Variants in ZWILCH observed in about 807,000 individuals in gnomAD.
The protein encoded by ZWILCH is protein zwilch homolog.
A neutral mutation model predicts 79.9 loss-of-function variants in ZWILCH; 74 were observed. That is an observed-to-expected ratio of 0.93 (90% CI 0.77 to 1.12). The LOEUF is 1.12. Among genes scored for constraint, ZWILCH ranks in the 50% most tolerant of loss-of-function variants. ZWILCH has a pLI of 0.00. For synonymous variants in ZWILCH, 241 were observed against 228.2 expected (o/e 1.06, Z -0.51); for missense variants, 694 against 687.5 (o/e 1.01, Z -0.11).
At chr15:66,512,163 A>T (rs1595903826) in intron 2 of ZWILCH, among the ~76,000 whole-genome samples, 1 of 152,230 alleles carries the variant, frequency 6.6e-6, no homozygotes, top group East Asian at 1.9e-4. Context: ...GCCAAAGAAC[A>T]TTGAATGACA....
intron 1 of ZWILCH, chr15:66,508,619 C>A: frequency 1.2e-6 from 1 of 825,818 alleles, no homozygotes; most frequent in Non-Finnish European, 1.7e-6. Flanking sequence ...GTCTATTAAT[C>A]TCTGTCACAG....
intron 8 of ZWILCH, among the ~76,000 whole-genome samples, chr15:66,524,092 A>G (rs531049792): frequency 1.2e-4 from 18 of 152,350 alleles, no homozygotes; most frequent in African/African-American, 4.1e-4. Flanking sequence ...TATTATGAAT[A>G]ATGCCTCCAT....
chr15:66,526,785 A>G (rs1021219330), intron 8 of ZWILCH, among the ~76,000 whole-genome samples: 1 of 152,144 alleles, frequency 6.6e-6, no homozygotes, highest in African/African-American at 2.4e-5. Flanking sequence ...TCTTAAGTCC[A>G]TTGAGATATT....
At position 66,537,283 on chromosome 15, in the gene ZWILCH, C is replaced by G; in HGVS notation, c.1574+20C>G. On this transcript the variant is annotated intron_variant, in intron 16 of 18. Coordinates refer to ENST00000307897, the MANE Select transcript of ZWILCH (RefSeq NM_017975.5). ...TCAAAGGTAAGCAATTTTTGCTAGG[C>G]ATGGTGGCTCATGCCTGTAATCCTA... The G allele has an allele frequency of 6.4e-7, 1 of 1,555,362 alleles. No individual in the cohort carries two copies. Among genetic ancestry groups the G allele is most frequent in the Non-Finnish European group, 8.8e-7 (1 of 1,130,322 alleles).
At chr15:66,539,894 T>C (rs79717306) in intron 16 of ZWILCH, among the ~76,000 whole-genome samples, 1,801 of 152,264 alleles carry the variant, frequency 0.012, 64 homozygotes, top group East Asian at 0.075. Context: ...TTCTCTGTTG[T>C]AGCATTTTTT....
At chr15:66,510,856 C>T (rs1272688495) in intron 2 of ZWILCH, among the ~76,000 whole-genome samples, 1 of 152,188 alleles carries the variant, frequency 6.6e-6, no homozygotes, top group East Asian at 1.9e-4. Context: ...CCCTGCGTGT[C>T]TATGCCTCTC....
At chr15:66,513,676 A>AT (rs1466453959) in intron 2 of ZWILCH, among the ~76,000 whole-genome samples, 1 of 151,154 alleles carries the variant, frequency 6.6e-6, no homozygotes, top group Non-Finnish European at 1.5e-5. Flanking sequence ...GGTTCACACC[A>AT]TTCTCCTGCC....
intron 2 of ZWILCH, among the ~76,000 whole-genome samples, chr15:66,510,077 C>T (rs1240979646): frequency 6.7e-6 from 1 of 150,124 alleles, no homozygotes; most frequent in East Asian, 1.9e-4. Flanking sequence ...ACTCAGGAGG[C>T]TGAGGCAGGA....
At chr15:66,542,266 C>T (rs529293076) in intron 17 of ZWILCH, among the ~76,000 whole-genome samples, 1 of 151,344 alleles carries the variant, frequency 6.6e-6, no homozygotes, top group South Asian at 2.1e-4. Flanking sequence ...CTGGCCAGCA[C>T]GGTGAAACAC....
chr15:66,542,964 C>T (rs1385715493), intron 17 of ZWILCH, among the ~76,000 whole-genome samples: 1 of 152,122 alleles, frequency 6.6e-6, no homozygotes, highest in Non-Finnish European at 1.5e-5. Flanking sequence ...TATGGGAGAA[C>T]GGGCAATCAT....
intron 18 of ZWILCH, chr15:66,547,190 C>CTTTTTTTTTTTT (rs1160984622): frequency 2.5e-5 from 2 of 80,342 alleles, no homozygotes; most frequent in African/African-American, 4.8e-5. Flanking sequence ...ATGACATTTT[C>CTTTTTTTTTTTT]TTTTTTTTTT....
At chr15:66,544,720 G>GC (rs1895303521) in intron 17 of ZWILCH, among the ~76,000 whole-genome samples, 1 of 141,300 alleles carries the variant, frequency 7.1e-6, no homozygotes, top group East Asian at 2.2e-4. Context: ...TGTTTTTTTG[G>GC]TTTTTGTGTG....
At chr15:66,527,937 A>G (rs1184754108) in intron 10 of ZWILCH, 25 bp downstream of exon 10, 20 of 1,565,930 alleles carry the variant, frequency 1.3e-5, no homozygotes, top group Non-Finnish European at 1.6e-5. Flanking sequence ...TCAGTTAGAA[A>G]TATACACAGA....
At chr15:66,507,584 T>G (rs1399219932) in intron 1 of ZWILCH, among the ~76,000 whole-genome samples, 1 of 152,218 alleles carries the variant, frequency 6.6e-6, no homozygotes, top group African/African-American at 2.4e-5. Context: ...CTTGCCTCTC[T>G]CTGAGCACTT....
intron 4 of ZWILCH, 87 bp downstream of exon 4, chr15:66,515,731 G>T: frequency 1.1e-6 from 1 of 872,108 alleles, no homozygotes; most frequent in East Asian, 2.4e-5. Context: ...TAGGCCTCTA[G>T]CCCTTATATC....
chr15:66,509,993 A>G (rs1039732486), intron 2 of ZWILCH, among the ~76,000 whole-genome samples: 4 of 149,880 alleles, frequency 2.7e-5, no homozygotes, highest in African/African-American at 9.7e-5. Flanking sequence ...CCTGGCCAAC[A>G]TGGTGAAACC....
chr15:66,521,010 G>GA, intron 6 of ZWILCH, 40 bp from the exon 7 acceptor site: 1 of 1,600,262 alleles, frequency 6.2e-7, no homozygotes. Context: ...TGGCCATGTG[G>GA]AAGCACAGCT....
At chr15:66,545,841 C>G (rs542914172) in intron 17 of ZWILCH, among the ~76,000 whole-genome samples, 6 of 152,278 alleles carry the variant, frequency 3.9e-5, no homozygotes, top group African/African-American at 1.4e-4. Context: ...AGATCGTATG[C>G]TTTTAAGGAG....
chr15:66,529,535 A>G lies in ZWILCH; in HGVS notation c.1117A>G (p.Ile373Val). ...AGACTTGGTGAAGTGTTTCACATTG[A>G]TCATCCAGAGTCTACAACGTGGTGA... ...YQDLVKCFTL[I>V]IQSLQRGDIQ... Residue 373 changes from isoleucine (I) to valine (V), a missense_variant, in exon 12 of 19, where the codon ATC (isoleucine) becomes GTC (valine). Transcript: ENST00000307897. 1.2e-6 allele frequency: 2 copies of G among 1,614,030 alleles called. No homozygotes were observed. The highest frequency in any genetic ancestry group is 2.2e-5 in the South Asian group (2 of 91,076).
Sources: gnomAD v4.1 joint callset for allele counts (sites outside exome capture counted in the v4.1 genomes callset) on GRCh38, gnomAD v4.1.1 for gene constraint, MANE v1.5 for transcripts, NCBI Gene and HGNC (gene_info 2026-07-23, HGNC 2026-07-21) for gene names.